The following WDR62 variants were observed in gnomAD, a reference collection of about 807,000 sequenced individuals.
WDR62 encodes WD repeat-containing protein 62.
WDR62 carries 112 observed loss-of-function variants against 160.6 expected under a neutral mutation model. The observed-to-expected ratio is 0.70, with a 90% CI of 0.60 to 0.82. WDR62 has a LOEUF of 0.82. Ranked by LOEUF, WDR62 falls within the 40% of genes least tolerant of loss-of-function variation. The pLI is 0.00. For missense variants in WDR62, 1,819 were observed against 1,983.8 expected, an observed-to-expected ratio of 0.92 and a Z score of 1.58; for synonymous variants, 792 against 815.1, an observed-to-expected ratio of 0.97 and a Z score of 0.48.
intron 16 of WDR62, 54 bp from the exon 17 acceptor site, chr19:36,091,143 CTCA>C: frequency 6.7e-7 from 1 of 1,491,002 alleles, no homozygotes; most frequent in African/African-American, 1.4e-5. Context: ...GGGCCCAGGC[CTCA>C]TCATAAGGAA....
At chr19:36,095,094 G>A (rs1406595275) in intron 20 of WDR62, among the ~76,000 whole-genome samples, 1 of 152,158 alleles carries the variant, frequency 6.6e-6, no homozygotes, top group Non-Finnish European at 1.5e-5. Flanking sequence ...AAGCAACCAG[G>A]CTTAAGTCAG....
At chr19:36,056,404 T>C (rs1970374267) in intron 1 of WDR62, among the ~76,000 whole-genome samples, 1 of 152,194 alleles carries the variant, frequency 6.6e-6, no homozygotes, top group African/African-American at 2.4e-5. Context: ...TGGCCTGCTT[T>C]TGGTTTTCCT....
At chr19:36,108,793 A>C (rs73036134), downstream of WDR62, among the ~76,000 whole-genome samples, 22,753 of 151,032 alleles carry the variant, frequency 0.15, 2,159 homozygotes, top group Non-Finnish European at 0.21. Context: ...GCTTGAGGCT[A>C]CAGTGAGCTG....
chr19:36,109,490 T>C (rs1344027043), downstream of WDR62, among the ~76,000 whole-genome samples: 1 of 152,176 alleles, frequency 6.6e-6, no homozygotes, highest in Non-Finnish European at 1.5e-5. Flanking sequence ...TCCCAGCACT[T>C]TGGGAGGTTG....
chr19:36,084,877 C>T, intron 12 of WDR62, 133 bp downstream of exon 12: 1 of 811,826 alleles, frequency 1.2e-6, no homozygotes, highest in Non-Finnish European at 2.0e-6. Context: ...GTAAGGGCCC[C>T]TGTAGCTGGA....
intron 19 of WDR62, 52 bp downstream of exon 19, chr19:36,092,863 C>T: frequency 6.2e-7 from 1 of 1,612,384 alleles, no homozygotes; most frequent in South Asian, 1.1e-5. Flanking sequence ...TGCCAGGGCC[C>T]CATGGAGTGA....
At chr19:36,067,588 T>G in intron 6 of WDR62, 145 bp downstream of exon 6, 1 of 1,286,952 alleles carries the variant, frequency 7.8e-7, no homozygotes, top group African/African-American at 1.5e-5. Context: ...CTTCTGGGCC[T>G]ACTCTCAGGG....
At chr19:36,064,113 AG>A (rs1004484836) in intron 3 of WDR62, among the ~76,000 whole-genome samples, 13 of 152,184 alleles carry the variant, frequency 8.5e-5, no homozygotes, top group African/African-American at 3.1e-4. Flanking sequence ...CATTTGCCAG[AG>A]GGCCAGGCAC....
chr19:36,069,428 C>G (rs996863777), intron 7 of WDR62, among the ~76,000 whole-genome samples: 1 of 147,426 alleles, frequency 6.8e-6, no homozygotes, highest in East Asian at 2.1e-4. Flanking sequence ...GCATCTCAGA[C>G]GATGGGCGGC....
chr19:36,069,648 G>A (rs541690201), intron 7 of WDR62, among the ~76,000 whole-genome samples: 1 of 152,390 alleles, frequency 6.6e-6, no homozygotes, highest in East Asian at 1.9e-4. Context: ...GCGGCTGGGA[G>A]GTGGAGGTTG....
intron 18 of WDR62, 123 bp from the exon 19 acceptor site, chr19:36,092,566 T>TA: frequency 7.0e-7 from 1 of 1,420,084 alleles, no homozygotes. Flanking sequence ...AGGGGTGTGT[T>TA]TTCCAGGAGC....
At chr19:36,059,943 G>C in intron 2 of WDR62, 25 bp from the exon 3 acceptor site, 1 of 1,613,934 alleles carries the variant, frequency 6.2e-7, no homozygotes, top group Non-Finnish European at 8.5e-7. Context: ...CCACAGTTGA[G>C]GCACATTTTC....
Position 36,081,589 on chromosome 19 carries a change from G to A in WDR62, c.1371+19G>A, listed in dbSNP as rs920713284. 6.2e-6 allele frequency: 10 copies of A among 1,614,108 alleles called. No individual in the cohort carries two copies. Among genetic ancestry groups the A allele is most frequent in the East Asian group, 2.2e-5 (1 of 44,878 alleles). ...CAGCAATGTGAGTGGCTTCCTTTGT[G>A]AACCATCTTTCAGGAGGAACAAAGA... On this transcript the variant is annotated intron_variant, in intron 10 of 31. Coordinates refer to ENST00000401500, the MANE Select transcript of WDR62 (RefSeq NM_001083961.2).
chr19:36,055,672 G>A (rs984791170), intron 1 of WDR62, among the ~76,000 whole-genome samples: 3 of 152,054 alleles, frequency 2.0e-5, no homozygotes, highest in African/African-American at 7.3e-5. Context: ...TGAGAAAGAC[G>A]TGAGAAGTTA....
At chr19:36,063,586 G>T (rs1242757169) in intron 3 of WDR62, among the ~76,000 whole-genome samples, 1 of 152,206 alleles carries the variant, frequency 6.6e-6, no homozygotes, top group African/African-American at 2.4e-5. Flanking sequence ...GAGGTATTTT[G>T]TAGAGTGTCC....
chr19:36,060,157 C>A, intron 3 of WDR62, 127 bp downstream of exon 3: 1 of 984,846 alleles, frequency 1.0e-6, no homozygotes, highest in Non-Finnish European at 1.6e-6. Context: ...GGCTCAGCAG[C>A]ATTCGCCTGT....
intron 28 of WDR62, 32 bp from the exon 29 acceptor site, chr19:36,103,124 G>C (rs1342513238): frequency 6.2e-7 from 1 of 1,614,026 alleles, no homozygotes; most frequent in Admixed American, 1.7e-5. Flanking sequence ...GAACCCTGAG[G>C]CCTTGTCCTC....
intron 8 of WDR62, among the ~76,000 whole-genome samples, chr19:36,072,368 G>A (rs139509100): frequency 6.6e-6 from 1 of 152,148 alleles, no homozygotes; most frequent in African/African-American, 2.4e-5. Context: ...CAGTGTGTCC[G>A]GGGAGGATGG....
intron 8 of WDR62, among the ~76,000 whole-genome samples, chr19:36,071,969 A>G (rs575428141): frequency 7.9e-5 from 12 of 152,366 alleles, no homozygotes; most frequent in African/African-American, 2.6e-4. Context: ...AGCGGTCAGC[A>G]TGGTGAAGAA....
Sources: allele counts gnomAD v4.1 joint callset (sites outside exome capture counted in the v4.1 genomes callset), GRCh38; gene constraint gnomAD v4.1.1; transcripts MANE v1.5; gene names NCBI Gene and HGNC (gene_info 2026-07-23, HGNC 2026-07-21).